Variants in PDE4D observed in about 807,000 individuals in gnomAD.
PDE4D encodes phosphodiesterase 4D.
In PDE4D, 24 loss-of-function variants were observed where a neutral mutation model predicts 87.4. The observed-to-expected ratio is 0.27, with a 90% CI of 0.20 to 0.39. PDE4D has a LOEUF of 0.39. Ranked by LOEUF, PDE4D falls within the 10% of genes least tolerant of loss-of-function variation. PDE4D has a pLI of 1.00. For synonymous variants in PDE4D, 384 were observed against 383.2 expected, an observed-to-expected ratio of 1.00 and a Z score of -0.02; for missense variants, 714 against 1,041.0, an observed-to-expected ratio of 0.69 and a Z score of 4.32.
chr5:58,988,796 C>T (rs1747168167), intron 10 of PDE4D, among the ~76,000 whole-genome samples: 1 of 152,042 alleles, frequency 6.6e-6, no homozygotes, highest in Non-Finnish European at 1.5e-5. Flanking sequence ...AATTTTATTA[C>T]ATCTCATGAT....
chr5:59,584,463 G>T (rs1561266180), intron 1 of PDE4D, among the ~76,000 whole-genome samples: 1 of 152,128 alleles, frequency 6.6e-6, no homozygotes, highest in African/African-American at 2.4e-5. Context: ...GCAGATGAAG[G>T]GTTACCTAAC....
chr5:59,229,495 G>A (rs947276679), intron 1 of PDE4D, among the ~76,000 whole-genome samples: 1 of 152,198 alleles, frequency 6.6e-6, no homozygotes, highest in Non-Finnish European at 1.5e-5. Context: ...AGTCAGCCAT[G>A]CAATCAGGGG....
At chr5:60,088,698 TAGAG>T (rs1373236674) in intron 2 of PDE4D, among the ~76,000 whole-genome samples, 2 of 151,594 alleles carry the variant, frequency 1.3e-5, no homozygotes, top group African/African-American at 4.8e-5. Context: ...CATGTCCTAA[TAGAG>T]AAAATTATTT....
chr5:60,128,740 CA>C (rs1010354671), intron 2 of PDE4D, among the ~76,000 whole-genome samples: 1 of 152,176 alleles, frequency 6.6e-6, no homozygotes, highest in African/African-American at 2.4e-5. Flanking sequence ...ACGTTGGAAG[CA>C]ACTCAGAGGG....
chr5:59,030,440 A>AAC (rs1757165529), intron 6 of PDE4D, among the ~76,000 whole-genome samples: 1 of 151,038 alleles, frequency 6.6e-6, no homozygotes, highest in Non-Finnish European at 1.5e-5. Flanking sequence ...AAAAAAAAAA[A>AAC]AAAAAACAAT....
chr5:59,056,458 GT>G (rs1401518781), intron 5 of PDE4D, among the ~76,000 whole-genome samples: 27 of 152,010 alleles, frequency 1.8e-4, no homozygotes, highest in Admixed American at 3.9e-4. Flanking sequence ...TTTACTTTAA[GT>G]TCTGGGATAC....
At chr5:59,447,526 C>T (rs957518433) in intron 1 of PDE4D, among the ~76,000 whole-genome samples, 7 of 152,130 alleles carry the variant, frequency 4.6e-5, no homozygotes, top group South Asian at 2.1e-4. Flanking sequence ...AAACCAAGCA[C>T]AATACAGTGT....
intron 1 of PDE4D, among the ~76,000 whole-genome samples, chr5:60,429,230 T>C (rs542575622): frequency 6.6e-6 from 1 of 152,342 alleles, no homozygotes; most frequent in African/African-American, 2.4e-5. Context: ...CTTCACTGGT[T>C]AGCTATATTT....
At chr5:60,190,802 ATCT>A (rs1189423737) in intron 1 of PDE4D, among the ~76,000 whole-genome samples, 1 of 152,200 alleles carries the variant, frequency 6.6e-6, no homozygotes, top group Non-Finnish European at 1.5e-5. Context: ...AGTCAGTGCA[ATCT>A]ACCTGTAACC....
intron 1 of PDE4D, among the ~76,000 whole-genome samples, chr5:59,533,585 G>C (rs1814614843): frequency 1.3e-5 from 2 of 152,182 alleles, no homozygotes; most frequent in African/African-American, 2.4e-5. Context: ...TTCATTGTTA[G>C]TCAACAGATA....
intron 1 of PDE4D, among the ~76,000 whole-genome samples, chr5:59,271,565 T>G (rs1338713981): frequency 6.6e-6 from 1 of 152,084 alleles, no homozygotes; most frequent in Non-Finnish European, 1.5e-5. Flanking sequence ...ACTGTGATCA[T>G]GAGGCCAAAA....
At chr5:59,339,569 C>T (rs1016047157) in intron 1 of PDE4D, among the ~76,000 whole-genome samples, 4 of 152,148 alleles carry the variant, frequency 2.6e-5, no homozygotes, top group South Asian at 2.1e-4. Flanking sequence ...AAGACGGTAA[C>T]GATACATGCA....
chr5:60,338,543 C>G (rs776462213), intron 1 of PDE4D, among the ~76,000 whole-genome samples: 10 of 152,136 alleles, frequency 6.6e-5, no homozygotes, highest in Non-Finnish European at 1.3e-4. Context: ...TGCCAGAATG[C>G]ACAGGGAGGT....
intron 1 of PDE4D, among the ~76,000 whole-genome samples, chr5:60,396,466 A>T (rs562430831): frequency 1.5e-4 from 23 of 152,082 alleles, no homozygotes; most frequent in African/African-American, 5.1e-4. Context: ...ATCTGAGAAG[A>T]CCTGTTCCCT....
At chr5:59,481,261 T>G (rs1312573851) in intron 1 of PDE4D, among the ~76,000 whole-genome samples, 1 of 152,064 alleles carries the variant, frequency 6.6e-6, no homozygotes, top group Non-Finnish European at 1.5e-5. Flanking sequence ...TATTGGATTT[T>G]AATGACAGTG....
chr5:60,394,566 A>G (rs1762764681), intron 1 of PDE4D, among the ~76,000 whole-genome samples: 1 of 152,180 alleles, frequency 6.6e-6, no homozygotes, highest in African/African-American at 2.4e-5. Context: ...CATTTTATTT[A>G]CTGCAGTTTT....
chr5:59,707,482 T>C (rs1321546561), intron 1 of PDE4D, among the ~76,000 whole-genome samples: 1 of 152,152 alleles, frequency 6.6e-6, no homozygotes, highest in African/African-American at 2.4e-5. Flanking sequence ...ATAGCCTGTT[T>C]TTGAAATAAG....
At chr5:59,901,135 A>C (rs1287557904) in intron 3 of PDE4D, among the ~76,000 whole-genome samples, 1 of 152,218 alleles carries the variant, frequency 6.6e-6, no homozygotes, top group Non-Finnish European at 1.5e-5. Flanking sequence ...ACAATTACTT[A>C]ACTAAGGTCA....
At chr5:59,932,823 A>G (rs1258685038) in intron 3 of PDE4D, among the ~76,000 whole-genome samples, 2 of 152,244 alleles carry the variant, frequency 1.3e-5, no homozygotes, top group African/African-American at 2.4e-5. Flanking sequence ...AGATTAGTCA[A>G]CAAAATTGGG....
Sources: allele counts gnomAD v4.1 joint callset (sites outside exome capture counted in the v4.1 genomes callset), GRCh38; gene constraint gnomAD v4.1.1; transcripts MANE v1.5; gene names NCBI Gene and HGNC (gene_info 2026-07-23, HGNC 2026-07-21).